The following ANLN variants were observed in gnomAD, a reference collection of about 807,000 sequenced individuals.
The protein encoded by ANLN is anillin, actin binding protein.
Under a neutral mutation model 135.1 loss-of-function variants are expected in ANLN, and 59 were observed. That is an observed-to-expected ratio of 0.44 (90% CI 0.35 to 0.54). The LOEUF is 0.54. Among genes scored for constraint, ANLN ranks in the 20% least tolerant of loss-of-function variants. The pLI is 0.00. For synonymous variants in ANLN, 406 were observed against 456.4 expected, an observed-to-expected ratio of 0.89 and a Z score of 1.41; for missense variants, 1,182 against 1,340.0, an observed-to-expected ratio of 0.88 and a Z score of 1.84.
chr7:36,401,954 G>A lies in ANLN; in HGVS notation c.487+2561G>A, dbSNP rs1268886860. Reference sequence around the variant, plus strand: ...CCCAAAAGTTACTATCCCTTCCCTAGATATTTCTACATAAGCTGCCCCTTA... The same window carrying A: ...CCCAAAAGTTACTATCCCTTCCCTAAATATTTCTACATAAGCTGCCCCTTA... On this transcript the variant is annotated intron_variant, in intron 3 of 23. Transcript: ENST00000265748. Among the ~76,000 whole-genome samples, 3 of 116,596 alleles carry A rather than the reference G, an allele frequency of 2.6e-5. 1 individual carries two copies. Among genetic ancestry groups the A allele is most frequent in the Non-Finnish European group, 5.6e-5 (3 of 53,664 alleles). The allele number at this position is 116,596 out of a possible 152,430, so 76.5% of individuals were successfully genotyped here.
rs748135044 is a variant in ANLN, at chr7:36,389,941, A to G, written c.-86A>G. 7 of 1,611,902 alleles carry G rather than the reference A, an allele frequency of 4.3e-6. No homozygotes were observed. The East Asian group carries it at 1.1e-4, about 26-fold the overall frequency. On this transcript the variant is annotated 5_prime_UTR_variant, in exon 1 of 24. Transcript: ENST00000265748. Reference sequence around the variant, plus strand: ...CCGCCTCAGACTCCTGGTTTTTTCCAGGAGACACACTGAGCTGAGACTCAC... The same window carrying G: ...CCGCCTCAGACTCCTGGTTTTTTCCGGGAGACACACTGAGCTGAGACTCAC...
rs145003274 is a variant in ANLN at position 36,426,023 on chromosome 7, C to G, written c.2757C>G (p.Asn919Lys). Residue 919 changes from asparagine (N) to lysine (K), a missense_variant, in exon 19 of 24, where the codon AAC becomes AAG. Asn to Lys is a moderately conservative substitution (Grantham distance 94). Transcript: ENST00000265748. ...TTTTTTTTTTTTTTTAGAAAAGCAA[C>G]ATTCATTCTTCAGGTGAGTGTATCT... ...RLLTSITTKSNIHSSVMASPG... is the reference protein window; with the variant it reads ...RLLTSITTKSKIHSSVMASPG... The G allele has an allele frequency of 4.1e-6, 6 of 1,474,226 alleles. No homozygotes were observed. Among genetic ancestry groups the G allele is most frequent in the African/African-American group, 1.5e-5 (1 of 67,210 alleles). 91.3% of individuals were successfully genotyped at this position (1,474,226 alleles called of 1,614,324 possible).
intron 2 of ANLN, among the ~76,000 whole-genome samples, chr7:36,398,332 C>G (rs1226476610): frequency 1.3e-5 from 2 of 152,118 alleles, no homozygotes; most frequent in Non-Finnish European, 2.9e-5. Flanking sequence ...AACCTCAAGC[C>G]AATTGCCCTT....
intron 20 of ANLN, among the ~76,000 whole-genome samples, chr7:36,430,696 G>C (rs1348269244): frequency 6.6e-6 from 1 of 152,156 alleles, no homozygotes; most frequent in Non-Finnish European, 1.5e-5. Flanking sequence ...TAGGCATTCT[G>C]GTATGCCCTG....
chr7:36,401,526 A>G (rs1048901841), intron 3 of ANLN, among the ~76,000 whole-genome samples: 2 of 151,646 alleles, frequency 1.3e-5, no homozygotes, highest in Admixed American at 6.6e-5. Context: ...TTTAGTAGAG[A>G]TGAGGTTTCA....
At chr7:36,431,628 ATATATT>A in intron 20 of ANLN, among the ~76,000 whole-genome samples, 1 of 121,844 alleles carries the variant, frequency 8.2e-6, no homozygotes, top group African/African-American at 3.1e-5. Context: ...ATATATATAT[ATATATT>A]ACCATTTTAT....
Position 36,416,001 on chromosome 7 carries a change from A to G in ANLN, c.1522+117A>G, listed in dbSNP as rs771664154. The G allele has an allele frequency of 8.8e-4, 776 of 885,712 alleles. 2 individuals are homozygous for G. Among genetic ancestry groups the G allele is most frequent in the Non-Finnish European group, 1.2e-3 (719 of 601,962 alleles). The allele number at this position is 885,712 out of a possible 1,614,324, so 54.9% of individuals were successfully genotyped here. A position where few individuals can be genotyped will look rare whatever the true frequency, so the allele number is the denominator to read the frequency against. ...TTTGTTCTAACGTTTTTTGGGGGGA[A>G]TCTTTAGGGTTTTCTTTCTTTTTTC... On this transcript the variant is annotated intron_variant, in intron 8 of 23. Coordinates refer to ENST00000265748, the MANE Select transcript of ANLN (RefSeq NM_018685.5).
In ANLN at chr7:36,420,197, T is replaced by C; in HGVS notation, c.1898T>C (p.Leu633Ser). ...ESLVSTPRLE[L>S]KDTSRSDESP... ...TTAGTGTCCACACCTAGACTGGAAT[T>C]GAAAGACACCAGCAGAAGTGATGAA... Residue 633 changes from leucine to serine, a missense_variant, in exon 11 of 24, where the codon TTG (leucine) becomes TCG (serine). Coordinates refer to ENST00000265748, the MANE Select transcript of ANLN (RefSeq NM_018685.5). The C allele has an allele frequency of 6.2e-7, 1 of 1,614,004 alleles. No homozygotes were observed. Among genetic ancestry groups the C allele is most frequent in the Non-Finnish European group, 8.5e-7 (1 of 1,179,940 alleles).
intron 20 of ANLN, among the ~76,000 whole-genome samples, chr7:36,436,658 A>G (rs1247520064): frequency 6.6e-6 from 1 of 152,134 alleles, no homozygotes; most frequent in Non-Finnish European, 1.5e-5. Flanking sequence ...TAACCATCCT[A>G]GTGGGTGTGA....
rs1583620530 is a variant in ANLN at position 36,417,572 on chromosome 7, G to A, written c.1633+382G>A. Among the ~76,000 whole-genome samples the A allele has an allele frequency of 5.3e-5, 8 of 152,014 alleles. 1 individual carries two copies. In the South Asian group the frequency reaches 1.7e-3, roughly 32 times the overall value. On this transcript the variant is annotated intron_variant, in intron 9 of 23. Transcript: ENST00000265748. ...AATTCAATTCTGACACTAGCTACAT[G>A]GAAGTAGTGTCAGATCCCACAGGTT...
intron 15 of ANLN, 97 bp downstream of exon 15, chr7:36,424,040 C>T (rs888970080): frequency 1.5e-5 from 19 of 1,232,932 alleles, no homozygotes; most frequent in Admixed American, 5.1e-5. Flanking sequence ...ATCTTTGAAA[C>T]GCCTTATGCA....
At chr7:36,429,411 G>A (rs1362432704) in intron 20 of ANLN, among the ~76,000 whole-genome samples, 1 of 152,006 alleles carries the variant, frequency 6.6e-6, no homozygotes, top group Non-Finnish European at 1.5e-5. Context: ...AGTAGAGACA[G>A]GGTTTCACCA....
intron 15 of ANLN, 103 bp downstream of exon 15, chr7:36,424,046 A>G (rs1305208579): frequency 1.4e-5 from 16 of 1,182,186 alleles, no homozygotes; most frequent in South Asian, 1.7e-5. Context: ...GAAACGCCTT[A>G]TGCACATTCT....
At chr7:36,414,907 G>A (rs1214175171) in intron 7 of ANLN, among the ~76,000 whole-genome samples, 1 of 152,160 alleles carries the variant, frequency 6.6e-6, no homozygotes, top group Non-Finnish European at 1.5e-5. Flanking sequence ...TCTCTCATCT[G>A]TAAAATGGAG....
In ANLN at chr7:36,410,547, T is replaced by G. The variant is rs1583609998; in HGVS notation, c.1130T>G (p.Phe377Cys). ...GTGIKPFLER[F>C]GERCQEHSKE... Reference sequence around the variant, plus strand: ...GGAATTAAGCCTTTCCTGGAACGCTTTGGAGAGCGTTGTCAAGAACATAGC... The same window carrying G: ...GGAATTAAGCCTTTCCTGGAACGCTGTGGAGAGCGTTGTCAAGAACATAGC... The change falls in exon 6 of 24, where the codon TTT becomes TGT. Residue 377 changes from phenylalanine (F) to cysteine (C), a missense_variant. Coordinates refer to ENST00000265748, the MANE Select transcript of ANLN (RefSeq NM_018685.5). 1.2e-6 allele frequency: 2 copies of G among 1,613,476 alleles called. No homozygotes were observed. The highest frequency in any genetic ancestry group is 1.7e-6 in the Non-Finnish European group (2 of 1,179,724).
intron 13 of ANLN, 134 bp from the exon 14 acceptor site, chr7:36,422,499 T>G (rs1787918060): frequency 1.3e-6 from 1 of 758,888 alleles, no homozygotes; most frequent in Admixed American, 3.5e-5. Context: ...ACCTACCATG[T>G]TTTATAAAGA....
chr7:36,436,726 G>A (rs1178812408), intron 20 of ANLN, among the ~76,000 whole-genome samples: 4 of 152,196 alleles, frequency 2.6e-5, no homozygotes, highest in Non-Finnish European at 4.4e-5. Flanking sequence ...GATGTTAAAT[G>A]TCTTTTCATG....
In ANLN at chr7:36,420,170, G is replaced by A; in HGVS notation, c.1871G>A (p.Ser624Asn). Reference protein sequence around the residue: ...AQTVGVVSPESLVSTPRLELK... With the variant: ...AQTVGVVSPENLVSTPRLELK... ...AATATCTGATGCGTTTTCCCACAGA[G>A]TTTAGTGTCCACACCTAGACTGGAA... The change falls in exon 11 of 24, where the codon AGT becomes AAT. Residue 624 changes from serine to asparagine, a missense_variant and splice_region_variant. By Grantham distance (46) the Ser-to-Asn change is conservative. Around this residue, in one of 3 missense-constraint regions of ANLN, gnomAD observed 1,022 missense variants for 1,134.0 expected, o/e 0.90. Transcript: ENST00000265748. 1.9e-6 allele frequency: 3 copies of A among 1,613,378 alleles called. No individual in the cohort carries two copies. Among genetic ancestry groups the A allele is most frequent in the South Asian group, 1.1e-5 (1 of 90,992 alleles).
At chr7:36,446,372 G>A (rs145455077) in intron 22 of ANLN, among the ~76,000 whole-genome samples, 83 of 151,922 alleles carry the variant, frequency 5.5e-4, no homozygotes, top group African/African-American at 2.0e-3. Context: ...TTTCCCCACT[G>A]TGTTAGGCCA....
Sources: allele counts gnomAD v4.1 joint callset (sites outside exome capture counted in the v4.1 genomes callset), GRCh38; gene constraint gnomAD v4.1.1; regional missense constraint gnomAD v4.1.1; transcripts MANE v1.5; gene names NCBI Gene and HGNC (gene_info 2026-07-23, HGNC 2026-07-21).